Variants in RORA observed in about 807,000 individuals in gnomAD.
The protein encoded by RORA is RAR related orphan receptor A.
Under a neutral mutation model 69.5 loss-of-function variants are expected in RORA, and 7 were observed. The observed-to-expected ratio is 0.10, with a 90% CI of 0.06 to 0.19. The LOEUF (loss-of-function observed/expected upper bound fraction) is 0.19. Ranked by LOEUF, RORA falls within the 10% of genes least tolerant of loss-of-function variation. RORA has a pLI of 1.00. For synonymous variants in RORA, 261 were observed against 240.8 expected (o/e 1.08, Z -0.78); for missense variants, 457 against 663.0 (o/e 0.69, Z 3.41).
chr15:60,990,510 C>A (rs138223511), intron 1 of RORA, among the ~76,000 whole-genome samples: 1 of 152,026 alleles, frequency 6.6e-6, no homozygotes, highest in Admixed American at 6.6e-5. Context: ...CAATCATTCC[C>A]GGGTAAGAAA....
chr15:60,740,616 C>G (rs1366604213), intron 1 of RORA, among the ~76,000 whole-genome samples: 4 of 152,130 alleles, frequency 2.6e-5, no homozygotes, highest in Non-Finnish European at 5.9e-5. Context: ...TGTGGAGGAG[C>G]TGTTGAAACC....
intron 1 of RORA, among the ~76,000 whole-genome samples, chr15:61,139,473 A>G (rs2079277332): frequency 6.6e-6 from 1 of 152,354 alleles, no homozygotes; most frequent in South Asian, 2.1e-4. Flanking sequence ...TCACAAAAAG[A>G]CTGGGACATA....
chr15:60,586,527 TTGAAAGA>T (rs2068341676), intron 2 of RORA, among the ~76,000 whole-genome samples: 1 of 152,242 alleles, frequency 6.6e-6, no homozygotes, highest in South Asian at 2.1e-4. Context: ...AGTCTTTCAT[TTGAAAGA>T]TGGATTAAAT....
chr15:60,612,704 C>G (rs980110063), intron 2 of RORA, among the ~76,000 whole-genome samples: 1 of 131,802 alleles, frequency 7.6e-6, no homozygotes, highest in African/African-American at 2.8e-5. Flanking sequence ...CTGTTTTACT[C>G]TGTCCCCAGG....
chr15:60,946,718 C>T (rs1161287757), intron 1 of RORA, among the ~76,000 whole-genome samples: 2 of 151,910 alleles, frequency 1.3e-5, no homozygotes, highest in East Asian at 2.0e-4. Context: ...AGCGTCTCTG[C>T]CTGGCTGCCC....
At chr15:60,757,730 G>A (rs2071823410) in intron 1 of RORA, among the ~76,000 whole-genome samples, 1 of 152,102 alleles carries the variant, frequency 6.6e-6, no homozygotes, top group Admixed American at 6.5e-5. Context: ...GTTGAATAAA[G>A]GAACAGACAA....
intron 1 of RORA, among the ~76,000 whole-genome samples, chr15:60,994,564 G>A (rs1894471619): frequency 6.6e-6 from 1 of 152,146 alleles, no homozygotes; most frequent in Non-Finnish European, 1.5e-5. Flanking sequence ...GCTTCTTTGG[G>A]TACCAGATCT....
intron 1 of RORA, among the ~76,000 whole-genome samples, chr15:61,216,213 T>C (rs1413023219): frequency 6.6e-6 from 1 of 152,216 alleles, no homozygotes; most frequent in Non-Finnish European, 1.5e-5. Context: ...TTATAATCCA[T>C]CAGCACACCC....
intron 1 of RORA, among the ~76,000 whole-genome samples, chr15:61,051,324 CT>C (rs959906306): frequency 8.5e-5 from 13 of 152,294 alleles, no homozygotes; most frequent in African/African-American, 2.9e-4. Flanking sequence ...TCCACTACCC[CT>C]ATCCCCACTC....
chr15:61,075,048 C>A (rs1011796140), intron 1 of RORA, among the ~76,000 whole-genome samples: 2 of 150,656 alleles, frequency 1.3e-5, no homozygotes, highest in African/African-American at 4.9e-5. Context: ...GATCGTGGCA[C>A]TGCACTCCAG....
At chr15:61,222,081 C>T (rs1028469132) in intron 1 of RORA, among the ~76,000 whole-genome samples, 2 of 152,118 alleles carry the variant, frequency 1.3e-5, no homozygotes, top group African/African-American at 4.8e-5. Flanking sequence ...CTACTCATTT[C>T]CATCCTCTGA....
At chr15:60,568,444 T>C (rs774462507) in intron 2 of RORA, among the ~76,000 whole-genome samples, 3 of 152,164 alleles carry the variant, frequency 2.0e-5, no homozygotes, top group Non-Finnish European at 4.4e-5. Flanking sequence ...AGAAAGAAAT[T>C]TGCATGATCT....
intron 1 of RORA, among the ~76,000 whole-genome samples, chr15:60,936,759 A>G (rs1156541382): frequency 6.6e-6 from 1 of 152,262 alleles, no homozygotes; most frequent in East Asian, 1.9e-4. Context: ...TTAGCTAGTT[A>G]GAAAAACTAG....
chr15:61,011,887 T>G (rs548371259), intron 1 of RORA, among the ~76,000 whole-genome samples: 1 of 152,340 alleles, frequency 6.6e-6, no homozygotes, highest in East Asian at 1.9e-4. Context: ...AGGCACTCAT[T>G]TCCAGAGAGC....
At chr15:60,984,973 G>A (rs990033559) in intron 1 of RORA, among the ~76,000 whole-genome samples, 1 of 151,292 alleles carries the variant, frequency 6.6e-6, no homozygotes, top group Non-Finnish European at 1.5e-5. Context: ...GGAAATGAAA[G>A]GTTTGGGCTA....
chr15:60,736,917 C>T (rs2071508783), intron 1 of RORA: 1 of 152,218 alleles, frequency 6.6e-6, no homozygotes, highest in African/African-American at 2.4e-5. Context: ...TTCTTGCCAC[C>T]TTCCCAATGC....
intron 1 of RORA, among the ~76,000 whole-genome samples, chr15:60,938,848 C>G (rs1010388651): frequency 1.3e-5 from 2 of 152,140 alleles, no homozygotes; most frequent in Admixed American, 1.3e-4. Context: ...TCTTTTCTTT[C>G]GGCTACTGAA....
chr15:61,153,830 G>GCACACAATGACATGGAGGCC (rs1410830342), intron 1 of RORA, among the ~76,000 whole-genome samples: 1 of 152,060 alleles, frequency 6.6e-6, no homozygotes, highest in Non-Finnish European at 1.5e-5. Flanking sequence ...TTATGCAAGG[G>GCACACAATGACATGGAGGCC]CACACAATGA....
intron 1 of RORA, among the ~76,000 whole-genome samples, chr15:61,217,503 G>C (rs1297058750): frequency 6.6e-6 from 1 of 152,140 alleles, no homozygotes; most frequent in Non-Finnish European, 1.5e-5. Context: ...ACAAGGTAGA[G>C]AGATGAAAAG....
Sources: gnomAD v4.1 joint callset for allele counts (sites outside exome capture counted in the v4.1 genomes callset) on GRCh38, gnomAD v4.1.1 for gene constraint, MANE v1.5 for transcripts, NCBI Gene and HGNC (gene_info 2026-07-23, HGNC 2026-07-21) for gene names.